The following EXOC1 variants were observed in gnomAD, a reference collection of about 807,000 sequenced individuals.
EXOC1 encodes exocyst complex component 1, also known as SEC3-like 1.
Under a neutral mutation model 107.7 loss-of-function variants are expected in EXOC1, and 67 were observed. That is an observed-to-expected ratio of 0.62 (90% CI 0.51 to 0.76). EXOC1 has a LOEUF of 0.76. EXOC1 is among the 30% of genes least tolerant of loss of function. The pLI, the probability that EXOC1 is intolerant of heterozygous loss-of-function variation, is 0.00. For missense variants in EXOC1, 833 were observed against 1,055.7 expected (o/e 0.79, Z 2.92); for synonymous variants, 348 against 353.5 (o/e 0.98, Z 0.17).
At position 55,864,296 on chromosome 4, in the gene EXOC1, A is replaced by G; in HGVS notation, c.325A>G (p.Asn109Asp). ...GGTTGCCAGCAGCACTGCTGAAAAGAATGCATTTATTTCATGCATTTGGAA... is the reference window on the plus strand; with the variant it reads ...GGTTGCCAGCAGCACTGCTGAAAAGGATGCATTTATTTCATGCATTTGGAA... ...KWVASSTAEK[N>D]AFISCIWKLN... is the part of the protein sequence containing the mutation. The change falls in exon 4 of 19, where the codon AAT (asparagine) becomes GAT (aspartate). Residue 109 changes from asparagine (N) to aspartate (D), a missense_variant. Asn to Asp is a conservative substitution (Grantham distance 23, BLOSUM62 1). Transcript: ENST00000381295. The G allele has an allele frequency of 6.2e-7, 1 of 1,610,430 alleles. No individual in the cohort carries two copies. Among genetic ancestry groups the G allele is most frequent in the South Asian group, 1.1e-5 (1 of 89,956 alleles).
chr4:55,897,253 A>T (rs911002894), intron 16 of EXOC1, among the ~76,000 whole-genome samples: 1 of 151,706 alleles, frequency 6.6e-6, no homozygotes, highest in East Asian at 1.9e-4. Flanking sequence ...CACCCTCCCA[A>T]GTAGCTGGGA....
intron 10 of EXOC1, among the ~76,000 whole-genome samples, chr4:55,884,214 A>C (rs1439216688): frequency 6.6e-6 from 1 of 152,204 alleles, no homozygotes; most frequent in East Asian, 1.9e-4. Context: ...GAGAAAATGA[A>C]GTGCAGTCAA....
chr4:55,871,031 A>G, intron 6 of EXOC1, 70 bp from the exon 7 acceptor site: 2 of 1,580,942 alleles, frequency 1.3e-6, no homozygotes, highest in South Asian at 1.1e-5. Flanking sequence ...TAATGATAGG[A>G]CTGAATAGCA....
At chr4:55,868,749 G>A (rs1042005892) in intron 5 of EXOC1, 1 of 383,786 alleles carries the variant, frequency 2.6e-6, no homozygotes, top group Non-Finnish European at 4.6e-6. Context: ...TGGATTTGGG[G>A]AGGTTCTTGA....
chr4:55,871,698 A>T (rs1314822953), intron 7 of EXOC1, 151 bp from the exon 8 acceptor site: 16 of 629,196 alleles, frequency 2.5e-5, no homozygotes, highest in East Asian at 2.3e-4. Flanking sequence ...GTGAAATCCC[A>T]TTTTTCTCCT....
chr4:55,854,822 C>T (rs959051389), intron 1 of EXOC1, among the ~76,000 whole-genome samples: 1 of 152,158 alleles, frequency 6.6e-6, no homozygotes, highest in African/African-American at 2.4e-5. Flanking sequence ...GTTCTAATTA[C>T]CTTAATAGAT....
intron 10 of EXOC1, among the ~76,000 whole-genome samples, chr4:55,885,233 A>G (rs779220956): frequency 1.2e-4 from 18 of 152,302 alleles, no homozygotes; most frequent in Admixed American, 2.6e-4. Context: ...CCTTCAGTAT[A>G]TGAAAACTGG....
At chr4:55,883,171 C>T (rs1723568952) in intron 9 of EXOC1, 1 of 151,996 alleles carries the variant, frequency 6.6e-6, no homozygotes, top group South Asian at 2.1e-4. Flanking sequence ...GGAAAATAAC[C>T]TATTTTGGAG....
intron 10 of EXOC1, 75 bp from the exon 11 acceptor site, chr4:55,888,813 T>A (rs1724178871): frequency 3.4e-6 from 5 of 1,467,794 alleles, no homozygotes; most frequent in African/African-American, 1.4e-5. Flanking sequence ...TAACTTCCTC[T>A]TGTGCATGGT....
intron 5 of EXOC1, 70 bp from the exon 6 acceptor site, chr4:55,870,608 A>G (rs905048273): frequency 6.9e-7 from 1 of 1,448,786 alleles, no homozygotes; most frequent in South Asian, 1.2e-5. Flanking sequence ...TCTTTTACAC[A>G]TCTAAATAAC....
chr4:55,891,067 C>G (rs1240224306), intron 12 of EXOC1, among the ~76,000 whole-genome samples: 1 of 152,164 alleles, frequency 6.6e-6, no homozygotes, highest in Non-Finnish European at 1.5e-5. Flanking sequence ...GCTCCTCTTT[C>G]CAGATGTGAA....
chr4:55,869,046 T>C (rs1315365342), intron 5 of EXOC1, among the ~76,000 whole-genome samples: 1 of 152,226 alleles, frequency 6.6e-6, no homozygotes, highest in African/African-American at 2.4e-5. Flanking sequence ...CTTTTTGTTT[T>C]GTGTGCAGTT....
chr4:55,874,297 G>A (rs1405077047), intron 8 of EXOC1, among the ~76,000 whole-genome samples: 2 of 152,004 alleles, frequency 1.3e-5, no homozygotes, highest in Non-Finnish European at 2.9e-5. Context: ...TCACAAATTA[G>A]TAAAATTAAA....
rs180776763 is a variant in EXOC1, at chr4:55,862,999, C to T, written c.256-1228C>T. On this transcript the variant is annotated intron_variant, in intron 3 of 18. Coordinates refer to ENST00000381295, the MANE Select transcript of EXOC1 (RefSeq NM_001024924.2). Reference sequence around the variant, plus strand: ...CACTGCAGCCTCCACCTTCCGGGCTCAAGCCATCCTCCCACCTTAGCCTCC... The same window carrying T: ...CACTGCAGCCTCCACCTTCCGGGCTTAAGCCATCCTCCCACCTTAGCCTCC... Among the ~76,000 whole-genome samples, 123 of 152,214 alleles carry T rather than the reference C, an allele frequency of 8.1e-4. 2 individuals are homozygous for T. In the East Asian group the frequency reaches 0.01, roughly 12 times the overall value.
intron 9 of EXOC1, among the ~76,000 whole-genome samples, chr4:55,882,241 A>G (rs1026907040): frequency 4.6e-5 from 7 of 152,124 alleles, no homozygotes; most frequent in Non-Finnish European, 8.8e-5. Flanking sequence ...CCTGGGCTCA[A>G]GCAGTCCTTC....
rs1208787839 is a variant in EXOC1, at chr4:55,899,789, C to G, written c.2242C>G (p.Leu748Val). Reference protein sequence around the residue: ...ATLSRLKISCLEAEKKEAKQK... With the variant: ...ATLSRLKISCVEAEKKEAKQK... ...TCTTTCTCGATTGAAAATCTCATGT[C>G]TAGAAGCAGAAAAAAAAGAAGCCAA... The change falls in exon 17 of 19, where the codon CTA becomes GTA. Residue 748 changes from leucine to valine, a missense_variant. Transcript: ENST00000381295. 3 of 1,613,414 alleles carry G rather than the reference C, an allele frequency of 1.9e-6. No individual in the cohort carries two copies. Among genetic ancestry groups the G allele is most frequent in the Non-Finnish European group, 8.5e-7 (1 of 1,179,718 alleles).
chr4:55,897,752 AT>A (rs893177325), intron 16 of EXOC1, among the ~76,000 whole-genome samples: 1 of 152,048 alleles, frequency 6.6e-6, no homozygotes, highest in Non-Finnish European at 1.5e-5. Flanking sequence ...AGTAGCTGGG[AT>A]TATAGGCAGG....
chr4:55,886,095 A>G (rs1200256169), intron 10 of EXOC1, among the ~76,000 whole-genome samples: 2 of 152,178 alleles, frequency 1.3e-5, no homozygotes, highest in Non-Finnish European at 2.9e-5. Context: ...GAAATATTCA[A>G]TACTTTATTA....
intron 16 of EXOC1, among the ~76,000 whole-genome samples, chr4:55,897,772 C>T (rs574812420): frequency 2.0e-5 from 3 of 152,202 alleles, no homozygotes; most frequent in Non-Finnish European, 4.4e-5. Flanking sequence ...GGCATCATCA[C>T]GCCTGGCTAA....
Sources: allele counts gnomAD v4.1 joint callset (sites outside exome capture counted in the v4.1 genomes callset), GRCh38; gene constraint gnomAD v4.1.1; transcripts MANE v1.5; gene names NCBI Gene and HGNC (gene_info 2026-07-23, HGNC 2026-07-21).